The following MMP9 variants were observed in gnomAD, a reference collection of about 807,000 sequenced individuals.
MMP9 encodes the protein matrix metalloproteinase-9.
Under a neutral mutation model 76.4 loss-of-function variants are expected in MMP9, and 73 were observed. The observed-to-expected ratio is 0.96, with a 90% CI of 0.79 to 1.16. The LOEUF (loss-of-function observed/expected upper bound fraction) is 1.16. MMP9 is among the 50% of genes most tolerant of loss of function. The probability of loss-of-function intolerance (pLI) is 0.00; values close to 1 mark genes in which losing one functional copy is unlikely to be tolerated. For missense variants in MMP9, 943 were observed against 973.0 expected (o/e 0.97, Z 0.41); for synonymous variants, 412 against 408.4 (o/e 1.01, Z -0.11).
At chr20:46,015,022 C>G (rs951142879) in intron 12 of MMP9, among the ~76,000 whole-genome samples, 1 of 152,170 alleles carries the variant, frequency 6.6e-6, no homozygotes, top group Non-Finnish European at 1.5e-5. Context: ...TATAAACACC[C>G]CAGCCCAAAC....
chr20:46,011,750 A>G lies in MMP9; in HGVS notation c.997+3A>G, dbSNP rs1758924670. 1 of 1,609,624 alleles carries G rather than the reference A, an allele frequency of 6.2e-7. No homozygotes were observed. The highest frequency in any genetic ancestry group is 1.3e-5 in the African/African-American group (1 of 74,964). ...CTTCGGCTTCTGCCCGACCCGAGGTACCTCCACCCTGTCTACCAGGTTCAG... is the reference window on the plus strand; with the variant it reads ...CTTCGGCTTCTGCCCGACCCGAGGTGCCTCCACCCTGTCTACCAGGTTCAG... On this transcript the variant is annotated splice_donor_region_variant and intron_variant, in intron 6 of 12. Transcript: ENST00000372330.
intron 8 of MMP9, among the ~76,000 whole-genome samples, chr20:46,012,926 C>A (rs2084293218): frequency 6.6e-6 from 1 of 152,164 alleles, no homozygotes; most frequent in South Asian, 2.1e-4. Context: ...AGACTCCCAT[C>A]TCTACAAAAA....
At position 46,011,208 on chromosome 20, in the gene MMP9, C is replaced by T; in HGVS notation, c.715C>T (p.Arg239Cys). 6.2e-7 allele frequency: 1 copy of T among 1,614,052 alleles called. No homozygotes were observed. The highest frequency in any genetic ancestry group is 8.5e-7 in the Non-Finnish European group (1 of 1,180,048). ...CCACTTCCCCTTCATCTTCGAGGGC[C>T]GCTCCTACTCTGCCTGCACCACCGA... ...ACHFPFIFEG[R>C]SYSACTTDGR... Residue 239 changes from arginine to cysteine, a missense_variant, in exon 5 of 13, where the codon CGC becomes TGC. Coordinates refer to ENST00000372330, the MANE Select transcript of MMP9 (RefSeq NM_004994.3).
chr20:46,011,744 C>A lies in MMP9; in HGVS notation c.994C>A (p.Arg332=), dbSNP rs200477815. Residue 332 remains arginine (R), a synonymous_variant, in exon 6 of 13, where the codon CGA becomes AGA. Transcript: ENST00000372330. The part of the protein sequence containing the change: ...RDKLFGFCPT[R]ADSTVMGGNS... ...CAAGCTCTTCGGCTTCTGCCCGACC[C>A]GAGGTACCTCCACCCTGTCTACCAG... 1.9e-6 allele frequency: 3 copies of A among 1,610,724 alleles called. No individual in the cohort carries two copies. The highest frequency in any genetic ancestry group is 8.5e-7 in the Non-Finnish European group (1 of 1,179,700).
chr20:46,013,246 T>A lies in MMP9; in HGVS notation c.1331-9T>A, dbSNP rs764386659. 2 of 1,614,018 alleles carry A rather than the reference T, an allele frequency of 1.2e-6. No homozygotes were observed. The highest frequency in any genetic ancestry group is 2.2e-5 in the South Asian group (2 of 91,080). Reference sequence around the variant, plus strand: ...AATAGGAAGAGTCTCACCCCGTGTCTCTTTTTAGGTCCTCGCCCTGAACCT... The same window carrying A: ...AATAGGAAGAGTCTCACCCCGTGTCACTTTTTAGGTCCTCGCCCTGAACCT... On this transcript the variant is annotated splice_polypyrimidine_tract_variant and intron_variant, in intron 8 of 12. Coordinates refer to ENST00000372330, the MANE Select transcript of MMP9 (RefSeq NM_004994.3). This position sits in a 1 kb window ranked among gnomAD's most constrained non-coding sequence, Gnocchi z 4.5.
intron 2 of MMP9, among the ~76,000 whole-genome samples, 158 bp from the exon 3 acceptor site, chr20:46,010,325 A>AAAAACAAACAAAC (rs1568846597): frequency 7.9e-6 from 1 of 126,852 alleles, no homozygotes; most frequent in South Asian, 2.6e-4. Flanking sequence ...AGTAGACAAA[A>AAAAACAAACAAAC]AAAAAAAAAA....
Position 46,016,252 on chromosome 20 carries a change from A to G in MMP9, c.2008A>G (p.Lys670Glu). The G allele has an allele frequency of 6.2e-7, 1 of 1,614,108 alleles. No individual in the cohort carries two copies. The highest frequency in any genetic ancestry group is 8.5e-7 in the Non-Finnish European group (1 of 1,179,936). ...TTATGCCTGCCTGTCTCCTGCAGAG[A>G]AAGCCTATTTCTGCCAGGACCGCTT... Reference protein sequence around the residue: ...DTHDVFQYREKAYFCQDRFYW... With the variant: ...DTHDVFQYREEAYFCQDRFYW... The change falls in exon 13 of 13, where the codon AAA (lysine) becomes GAA (glutamate). Residue 670 changes from lysine to glutamate, a missense_variant and splice_region_variant. By Grantham distance (56) the Lys-to-Glu change is moderately conservative (BLOSUM62 1). Transcript: ENST00000372330.
chr20:46,011,886 C>T, intron 6 of MMP9, 139 bp downstream of exon 6: 1 of 1,132,350 alleles, frequency 8.8e-7, no homozygotes, highest in Non-Finnish European at 1.3e-6. Flanking sequence ...CCCACCTACA[C>T]CACATTTCCA....
At position 46,008,986 on chromosome 20, in the gene MMP9, C is replaced by A; in HGVS notation, c.60C>A (p.Ala20=). The change falls in exon 1 of 13, where the codon GCC becomes GCA. Residue 20 remains alanine, a synonymous_variant. Transcript: ENST00000372330. ...VLLVLGCCFA[A]PRQRQSTLVL... ...TGGTGCTGGGCTGCTGCTTTGCTGC[C>A]CCCAGACAGCGCCAGTCCACCCTTG... 6.2e-7 allele frequency: 1 copy of A among 1,613,952 alleles called. No homozygotes were observed. Among genetic ancestry groups the A allele is most frequent in the Non-Finnish European group, 8.5e-7 (1 of 1,179,964 alleles).
rs796972949 is a variant in MMP9 at position 46,010,333 on chromosome 20, A to AAAAAAAAAAAAAAAAAAAAAAAAAAC, written c.372-142_372-141insAAAAAAAAAAAAAAAAACAAAAAAAA. On this transcript the variant is annotated intron_variant, in intron 2 of 12. Transcript: ENST00000372330. ...GGGTCTAAGTAGACAAAAAAAAAAA[A>AAAAAAAAAAAAAAAAAAAAAAAAAAC]AAAAAAAACAGTCTGGAAGCAATTT... is the stretch of plus-strand genomic sequence containing the variant. 15 of 828,916 alleles carry AAAAAAAAAAAAAAAAAAAAAAAAAAC rather than the reference A, an allele frequency of 1.8e-5. 1 individual carries two copies. The African/African-American group carries it at 2.8e-4, about 15-fold the overall frequency. The allele number at this position is 828,916 out of a possible 1,614,324, so 51.3% of individuals were successfully genotyped here.
In MMP9 at chr20:46,013,459, T is replaced by G; in HGVS notation, c.1535T>G (p.Val512Gly). The G allele has an allele frequency of 6.2e-7, 1 of 1,614,056 alleles. No individual in the cohort carries two copies. The highest frequency in any genetic ancestry group is 8.5e-7 in the Non-Finnish European group (1 of 1,180,004). Residue 512 changes from valine (V) to glycine (G), a missense_variant, in exon 9 of 13, where the codon GTG becomes GGG. Transcript: ENST00000372330. This position sits in a 1 kb window ranked among gnomAD's most constrained non-coding sequence, Gnocchi z 4.5. ...STATTVPLSPVDDACNVNIFD... is the reference protein window; with the variant it reads ...STATTVPLSPGDDACNVNIFD... ...GCCACTACTGTGCCTTTGAGTCCGG[T>G]GGACGATGCCTGCAACGTGAACATC...
Position 46,013,163 on chromosome 20 carries a change from G to A in MMP9, c.1331-92G>A. 1.4e-6 allele frequency: 2 copies of A among 1,454,400 alleles called. No individual in the cohort carries two copies. Among genetic ancestry groups the A allele is most frequent in the Non-Finnish European group, 1.9e-6 (2 of 1,036,864 alleles). The allele number at this position is 1,454,400 out of a possible 1,614,324, so 90.1% of individuals were successfully genotyped here. On this transcript the variant is annotated intron_variant, in intron 8 of 12. Coordinates refer to ENST00000372330, the MANE Select transcript of MMP9 (RefSeq NM_004994.3). The surrounding 1 kb of genome is among the most constrained non-coding windows in gnomAD (Gnocchi z 4.5). The stretch of plus-strand genomic sequence containing the variant: ...GTGAGGAGGGGCCTGTGTGCCAGAG[G>A]AGGCTTCACTGAGAAGCTTAGGGGA...
intron 12 of MMP9, chr20:46,014,744 A>G (rs2084308735): frequency 3.7e-6 from 2 of 537,746 alleles, no homozygotes; most frequent in Middle Eastern, 5.0e-4. Flanking sequence ...AAGCTCAGTT[A>G]TTAGACAACA....
chr20:46,011,631 TC>T lies in MMP9; in HGVS notation c.883del (p.Gln295LysfsTer43), dbSNP rs1431510268. The T allele has an allele frequency of 1.2e-6, 2 of 1,613,722 alleles. No homozygotes were observed. On this transcript the variant is annotated frameshift_variant, in exon 6 of 13. Coordinates refer to ENST00000372330, the MANE Select transcript of MMP9 (RefSeq NM_004994.3). LOFTEE classifies it high-confidence loss of function. ...AAACCCTGCCAGTTTCCATTCATCT[TC>T]CAAGGCCAATCCTACTCCGCCTGCA... is the stretch of plus-strand genomic sequence containing the variant. Reference protein sequence around the residue: ...DGKPCQFPFIFQGQSYSACTT... With the variant: ...DGKPCQFPFIXQGQSYSACTT...
rs199907705 is a variant in MMP9, at chr20:46,013,820, C to T, written c.1750+24C>T. Reference sequence around the variant, plus strand: ...TGGTTAGTTACCTACTTTCCCTCCCCCGCCCGGTCAATCCCCATCAGTCAA... The same window carrying T: ...TGGTTAGTTACCTACTTTCCCTCCCTCGCCCGGTCAATCCCCATCAGTCAA... On this transcript the variant is annotated intron_variant, in intron 10 of 12. Coordinates refer to ENST00000372330, the MANE Select transcript of MMP9 (RefSeq NM_004994.3). The surrounding 1 kb of genome is among the most constrained non-coding windows in gnomAD (Gnocchi z 4.5). The T allele has an allele frequency of 3.1e-6, 5 of 1,611,308 alleles. No individual in the cohort carries two copies. The highest frequency in any genetic ancestry group is 1.1e-5 in the South Asian group (1 of 90,762).
In MMP9 at chr20:46,008,985, C is replaced by T. The variant is rs1805088; in HGVS notation, c.59C>T (p.Ala20Val). 42,678 of 1,613,788 alleles carry T rather than the reference C, an allele frequency of 0.026. 1,152 individuals carry two copies. The highest frequency in any genetic ancestry group is 0.14 in the Admixed American group (8,546 of 59,940). ...VLLVLGCCFAAPRQRQSTLVL... is the reference protein window; with the variant it reads ...VLLVLGCCFAVPRQRQSTLVL... Reference sequence around the variant, plus strand: ...CTGGTGCTGGGCTGCTGCTTTGCTGCCCCCAGACAGCGCCAGTCCACCCTT... The same window carrying T: ...CTGGTGCTGGGCTGCTGCTTTGCTGTCCCCAGACAGCGCCAGTCCACCCTT... Residue 20 changes from alanine (A) to valine (V), a missense_variant, in exon 1 of 13, where the codon GCC becomes GTC. Ala to Val is a moderately conservative substitution (Grantham distance 64, BLOSUM62 0). Transcript: ENST00000372330.
chr20:46,013,424 C>A lies in MMP9; in HGVS notation c.1500C>A (p.Gly500=), dbSNP rs754987039. ...SAGPTGPPTA[G]PSTATTVPLS... is the part of the protein sequence containing the mutation. The stretch of plus-strand genomic sequence containing the variant: ...GCCCCACAGGTCCCCCCACTGCTGG[C>A]CCTTCTACGGCCACTACTGTGCCTT... Residue 500 remains glycine (G), a synonymous_variant, in exon 9 of 13, where the codon GGC becomes GGA. Coordinates refer to ENST00000372330, the MANE Select transcript of MMP9 (RefSeq NM_004994.3). The surrounding 1 kb of genome is among the most constrained non-coding windows in gnomAD (Gnocchi z 4.5). 4.3e-6 allele frequency: 7 copies of A among 1,614,022 alleles called. No individual in the cohort carries two copies. In the South Asian group the frequency reaches 7.7e-5, roughly 18 times the overall value.
In MMP9 at chr20:46,011,308, C is replaced by G; in HGVS notation, c.815C>G (p.Pro272Arg). ...ACCGACGACCGGTTTGGCTTCTGCC[C>G]CAGCGAGAGTGAGTGAGGGGGCTCG... ...YDTDDRFGFC[P>R]SERLYTQDGN... is the part of the protein sequence containing the mutation. The change falls in exon 5 of 13, where the codon CCC becomes CGC. Residue 272 changes from proline (P) to arginine (R), a missense_variant. Transcript: ENST00000372330. 1 of 1,604,144 alleles carries G rather than the reference C, an allele frequency of 6.2e-7. No homozygotes were observed. Among genetic ancestry groups the G allele is most frequent in the African/African-American group, 1.3e-5 (1 of 74,882 alleles).
chr20:46,013,657 G>A lies in MMP9; in HGVS notation c.1611G>A (p.Gly537=). 6.2e-7 allele frequency: 1 copy of A among 1,614,084 alleles called. No individual in the cohort carries two copies. Among genetic ancestry groups the A allele is most frequent in the Non-Finnish European group, 8.5e-7 (1 of 1,180,002 alleles). The change falls in exon 10 of 13, where the codon GGG becomes GGA. Residue 537 remains glycine (G), a splice_region_variant and synonymous_variant. Coordinates refer to ENST00000372330, the MANE Select transcript of MMP9 (RefSeq NM_004994.3). The surrounding 1 kb of genome is among the most constrained non-coding windows in gnomAD (Gnocchi z 4.5). ...GTCCTTTCCCTCCTCGCTTTCTCAGGAAGTACTGGCGATTCTCTGAGGGCA... is the reference window on the plus strand; with the variant it reads ...GTCCTTTCCCTCCTCGCTTTCTCAGAAAGTACTGGCGATTCTCTGAGGGCA... ...IGNQLYLFKD[G]KYWRFSEGRG...
Sources: gnomAD v4.1 joint callset for allele counts (sites outside exome capture counted in the v4.1 genomes callset) on GRCh38, gnomAD v4.1.1 for gene constraint, Gnocchi (gnomAD v3.1) non-coding constraint, MANE v1.5 for transcripts, NCBI Gene and HGNC (gene_info 2026-07-23, HGNC 2026-07-21) for gene names.